Variants in TP53BP1 observed in about 807,000 individuals in gnomAD.
TP53BP1 encodes the protein tumor protein p53 binding protein 1.
TP53BP1 carries 61 observed loss-of-function variants against 200.8 expected under a neutral mutation model. That is an observed-to-expected ratio of 0.30 (90% CI 0.25 to 0.38). The LOEUF is 0.38. TP53BP1 is among the 10% of genes least tolerant of loss of function. The pLI is 1.00. For missense variants in TP53BP1, 2,144 were observed against 2,371.9 expected (o/e 0.90, Z 2.00); for synonymous variants, 822 against 844.3 (o/e 0.97, Z 0.46).
intron 7 of TP53BP1, among the ~76,000 whole-genome samples, chr15:43,478,318 A>G (rs951597698): frequency 4.6e-5 from 7 of 152,128 alleles, no homozygotes; most frequent in African/African-American, 1.7e-4. Flanking sequence ...CACCTGTTCT[A>G]CCACTCCCCA....
chr15:43,455,770 G>T, intron 12 of TP53BP1, 122 bp downstream of exon 12: 1 of 1,207,268 alleles, frequency 8.3e-7, no homozygotes, highest in Non-Finnish European at 1.1e-6. Context: ...ATTATTATTG[G>T]TTGTTCATAA....
intron 18 of TP53BP1, 119 bp downstream of exon 18, chr15:43,427,897 C>T: frequency 2.9e-6 from 2 of 696,180 alleles, no homozygotes; most frequent in South Asian, 2.1e-5. Context: ...GCAGAGGCTG[C>T]AGTGAAACAA....
At chr15:43,415,485 A>G in intron 23 of TP53BP1, 109 bp downstream of exon 23, 1 of 1,199,170 alleles carries the variant, frequency 8.3e-7, no homozygotes, top group Non-Finnish European at 1.2e-6. Context: ...CCCCGACTTT[A>G]TAGCAGGACA....
chr15:43,446,849 T>C, intron 13 of TP53BP1: 1 of 1,381,974 alleles, frequency 7.2e-7, no homozygotes, highest in Non-Finnish European at 9.8e-7. Flanking sequence ...CCAACCCACA[T>C]CTGCCAGCAT....
intron 4 of TP53BP1, among the ~76,000 whole-genome samples, chr15:43,488,849 A>G (rs377390814): frequency 5.2e-4 from 79 of 152,192 alleles, no homozygotes; most frequent in African/African-American, 1.9e-3. Flanking sequence ...AGCCAAGATC[A>G]CACCATTGCA....
Position 43,409,051 on chromosome 15 carries a change from G to A in TP53BP1, c.5446C>T (p.Arg1816Ter), listed in dbSNP as rs745781646. Residue 1816 changes from arginine to a stop codon, truncating the protein, a stop_gained, in exon 26 of 28, where the codon CGA becomes TGA. Transcript: ENST00000382044. LOFTEE classifies it high-confidence loss of function. ...AGGCACAGGAAGTACTTCCGGGTTC[G>A]ACAATGCTGATCCGCAATTAGAAGA... is the stretch of plus-strand genomic sequence containing the variant. ...QCLLIADQHC[R>*]TRKYFLCLAS... 2 of 1,614,160 alleles carry A rather than the reference G, an allele frequency of 1.2e-6. No homozygotes were observed. Among genetic ancestry groups the A allele is most frequent in the Non-Finnish European group, 8.5e-7 (1 of 1,180,024 alleles).
At chr15:43,416,468 C>A (rs757249377) in intron 21 of TP53BP1, 52 bp from the exon 22 acceptor site, 207 of 1,558,690 alleles carry the variant, frequency 1.3e-4, no homozygotes, top group Non-Finnish European at 1.8e-4. Context: ...GGCTCCTTAG[C>A]ACCCTCTCAC....
intron 18 of TP53BP1, among the ~76,000 whole-genome samples, chr15:43,423,302 G>A (rs2045448641): frequency 2.0e-5 from 3 of 151,440 alleles, no homozygotes; most frequent in Non-Finnish European, 4.4e-5. Flanking sequence ...GCAATATTAT[G>A]TTAATTGCCA....
intron 14 of TP53BP1, among the ~76,000 whole-genome samples, chr15:43,444,111 AG>A (rs1421597146): frequency 1.3e-5 from 2 of 152,228 alleles, no homozygotes; most frequent in East Asian, 3.8e-4. Context: ...AAATGATGTA[AG>A]TAACACTGAA....
At chr15:43,421,265 G>T in intron 19 of TP53BP1, 91 bp from the exon 20 acceptor site, 1 of 1,353,596 alleles carries the variant, frequency 7.4e-7, no homozygotes, top group South Asian at 1.3e-5. Flanking sequence ...TACATGACAG[G>T]CCTACATGTG....
In TP53BP1 at chr15:43,404,667, G is replaced by A. The variant is rs2044797875; in HGVS notation, c.*2716C>T. 3 of 1,133,988 alleles carry A rather than the reference G, an allele frequency of 2.6e-6. No homozygotes were observed. The highest frequency in any genetic ancestry group is 3.8e-6 in the Non-Finnish European group (3 of 796,150). The allele number at this position is 1,133,988 out of a possible 1,614,324, so 70.2% of individuals were successfully genotyped here. A position where few individuals can be genotyped will look rare whatever the true frequency, so the allele number is the denominator to read the frequency against. ...CCAAATACCCTCATTTTATAAGTAA[G>A]GCTTAGAGATAGAGGTGTGACCATC... On this transcript the variant is annotated 3_prime_UTR_variant, in exon 28 of 28. Transcript: ENST00000382044.
intron 13 of TP53BP1, chr15:43,447,081 T>A (rs2046059227): frequency 4.3e-6 from 2 of 463,902 alleles, no homozygotes; most frequent in African/African-American, 2.0e-5. Context: ...CATCTCTACA[T>A]CACTACTTAG....
chr15:43,416,601 C>A, intron 21 of TP53BP1, 185 bp from the exon 22 acceptor site: 1 of 491,704 alleles, frequency 2.0e-6, no homozygotes. Context: ...TATGTAGCTA[C>A]TACACTGGGA....
At chr15:43,464,966 A>T (rs897387833) in intron 11 of TP53BP1, among the ~76,000 whole-genome samples, 2 of 152,098 alleles carry the variant, frequency 1.3e-5, no homozygotes, top group Non-Finnish European at 2.9e-5. Context: ...TTTTTCCTTT[A>T]TATTTTTTAT....
In TP53BP1 at chr15:43,428,077, G is replaced by A; in HGVS notation, c.3767C>T (p.Thr1256Ile). Residue 1256 changes from threonine to isoleucine, a missense_variant, in exon 18 of 28, where the codon ACT becomes ATT. By Grantham distance (89) the Thr-to-Ile change is moderately conservative. Transcript: ENST00000382044. Reference protein sequence around the residue: ...RTIREVRTLVTRVITDVYYVD... With the variant: ...RTIREVRTLVIRVITDVYYVD... ...ATAATACACATCTGTAATGACACGA[G>A]TGACAAGTGTGCGTACTTCCCGGAT... 6.2e-7 allele frequency: 1 copy of A among 1,612,912 alleles called. No homozygotes were observed. Among genetic ancestry groups the A allele is most frequent in the Non-Finnish European group, 8.5e-7 (1 of 1,179,004 alleles).
At chr15:43,424,937 C>A (rs529898335) in intron 18 of TP53BP1, among the ~76,000 whole-genome samples, 1 of 152,144 alleles carries the variant, frequency 6.6e-6, no homozygotes, top group Non-Finnish European at 1.5e-5. Flanking sequence ...CATGGATTAA[C>A]GGAATTACGA....
At chr15:43,435,947 C>A (rs1260208777) in intron 16 of TP53BP1, among the ~76,000 whole-genome samples, 2 of 152,018 alleles carry the variant, frequency 1.3e-5, no homozygotes, top group African/African-American at 4.8e-5. Context: ...CACCCCTCCT[C>A]AGCCTCTCAA....
intron 16 of TP53BP1, among the ~76,000 whole-genome samples, chr15:43,434,247 T>C (rs1401564174): frequency 2.0e-5 from 3 of 152,174 alleles, no homozygotes; most frequent in Admixed American, 2.0e-4. Context: ...ATGTAAAATA[T>C]TGAGCATAGC....
chr15:43,440,695 C>T (rs1440564527), intron 15 of TP53BP1, among the ~76,000 whole-genome samples: 3 of 151,996 alleles, frequency 2.0e-5, no homozygotes, highest in African/African-American at 7.2e-5. Flanking sequence ...CAAGGCCAGC[C>T]TGGGCAACAT....
Sources: gnomAD v4.1 joint callset for allele counts (sites outside exome capture counted in the v4.1 genomes callset) on GRCh38, gnomAD v4.1.1 for gene constraint, MANE v1.5 for transcripts, NCBI Gene and HGNC (gene_info 2026-07-23, HGNC 2026-07-21) for gene names.